The following MYO16 variants were observed in gnomAD, a reference collection of about 807,000 sequenced individuals.
The protein encoded by MYO16 is unconventional myosin-XVI.
Under a neutral mutation model 205.3 loss-of-function variants are expected in MYO16, and 94 were observed. The ratio of observed to expected loss-of-function variants is 0.46; its 90% CI spans 0.39 to 0.54. MYO16 has a LOEUF of 0.54. MYO16 is among the 20% of genes least tolerant of loss of function. The pLI is 0.00. For synonymous variants in MYO16, 988 were observed against 954.0 expected, an observed-to-expected ratio of 1.04 and a Z score of -0.66; for missense variants, 2,315 against 2,387.5, an observed-to-expected ratio of 0.97 and a Z score of 0.63.
At chr13:108,598,324 G>A (rs879437535) in intron 1 of MYO16, among the ~76,000 whole-genome samples, 16 of 152,072 alleles carry the variant, frequency 1.1e-4, no homozygotes, top group Non-Finnish European at 1.8e-4. Context: ...GAGAGAGACA[G>A]ACAGACAGAC....
At chr13:108,777,622 A>G (rs768827361) in intron 4 of MYO16, among the ~76,000 whole-genome samples, 1 of 152,166 alleles carries the variant, frequency 6.6e-6, no homozygotes, top group Non-Finnish European at 1.5e-5. Context: ...AGTGGGCAAG[A>G]ACAAGAAGGA....
At chr13:108,754,377 A>T (rs1885353036) in intron 4 of MYO16, among the ~76,000 whole-genome samples, 2 of 152,222 alleles carry the variant, frequency 1.3e-5, no homozygotes, top group African/African-American at 2.4e-5. Context: ...ATGAGTGTTT[A>T]CAAGCTGAGC....
chr13:108,715,872 G>T (rs1432137226), intron 3 of MYO16, among the ~76,000 whole-genome samples: 1 of 152,152 alleles, frequency 6.6e-6, no homozygotes, highest in African/African-American at 2.4e-5. Context: ...TTGCTTCTCT[G>T]TAGATATTGC....
intron 20 of MYO16, among the ~76,000 whole-genome samples, chr13:108,968,631 GA>G (rs911221648): frequency 5.3e-5 from 8 of 149,800 alleles, no homozygotes; most frequent in Non-Finnish European, 7.4e-5. Context: ...CATCTCAAAA[GA>G]AAAAAAAAGA....
chr13:108,635,117 G>T (rs370499953), intron 1 of MYO16, among the ~76,000 whole-genome samples: 6 of 152,188 alleles, frequency 3.9e-5, no homozygotes, highest in African/African-American at 4.8e-5. Context: ...ATTCACAAGA[G>T]CAGTAACATT....
At chr13:108,811,545 TA>T (rs5806755) in intron 7 of MYO16, among the ~76,000 whole-genome samples, 8 of 145,350 alleles carry the variant, frequency 5.5e-5, no homozygotes, top group African/African-American at 1.5e-4. Flanking sequence ...ACCACCTGTT[TA>T]AAAAAAAAAA....
rs746750646 is a variant in MYO16 at position 109,141,157 on chromosome 13, G to C, written c.4945G>C (p.Gly1649Arg). The change falls in exon 32 of 35, where the codon GGG becomes CGG. Residue 1649 changes from glycine to arginine, a missense_variant. By Grantham distance (125) the Gly-to-Arg change is moderately radical (BLOSUM62 -2). Coordinates refer to ENST00000457511, the MANE Select transcript of MYO16 (RefSeq NM_001198950.3). This position sits in a 1 kb window ranked among gnomAD's most constrained non-coding sequence, Gnocchi z 4.1. The stretch of plus-strand genomic sequence containing the variant: ...AAAGCCAAACTCTGCCCCCGTGGCC[G>C]GGCCCTGCAGCTCCTTCCCCAAGAT... Reference protein sequence around the residue: ...HPKPNSAPVAGPCSSFPKIPY... With the variant: ...HPKPNSAPVARPCSSFPKIPY... The C allele has an allele frequency of 7.5e-6, 12 of 1,604,302 alleles. No individual in the cohort carries two copies. The South Asian group carries it at 1.1e-4, about 15-fold the overall frequency.
the MYO16 span, among the ~76,000 whole-genome samples, chr13:108,520,948 C>T: frequency 9.2e-5 from 14 of 152,164 alleles, no homozygotes; most frequent in African/African-American, 3.4e-4. Context: ...CCATCTTCCA[C>T]GTGTTCTTTC....
At chr13:108,868,167 A>G (rs1878819704) in intron 12 of MYO16, among the ~76,000 whole-genome samples, 1 of 152,178 alleles carries the variant, frequency 6.6e-6, no homozygotes, top group African/African-American at 2.4e-5. Flanking sequence ...TGTTGGAAAG[A>G]GTGGAATTGG....
In MYO16 at chr13:108,776,789, C is replaced by T. The variant is rs541676198; in HGVS notation, c.508-8846C>T. On this transcript the variant is annotated intron_variant, in intron 4 of 34. Transcript: ENST00000457511. ...CTTTACCAGCATTAACCCGTTTTAT[C>T]TTCACAACAACTCTGGGAGAATTAA... Among the ~76,000 whole-genome samples, 12 of 152,242 alleles carry T rather than the reference C, an allele frequency of 7.9e-5. 1 individual carries two copies. The highest frequency in any genetic ancestry group is 1.9e-4 in the African/African-American group (8 of 41,556).
intron 4 of MYO16, among the ~76,000 whole-genome samples, chr13:108,729,705 A>G (rs1288311165): frequency 6.6e-6 from 1 of 152,190 alleles, no homozygotes; most frequent in African/African-American, 2.4e-5. Flanking sequence ...CCTCAATGCA[A>G]ATGTCTGGAC....
At chr13:108,849,128 C>G (rs773877535) in intron 10 of MYO16, among the ~76,000 whole-genome samples, 3 of 152,190 alleles carry the variant, frequency 2.0e-5, no homozygotes, top group Non-Finnish European at 4.4e-5. Flanking sequence ...GTCACATGAT[C>G]ACCCTTTCCT....
intron 28 of MYO16, among the ~76,000 whole-genome samples, chr13:109,108,865 G>C (rs962403254): frequency 6.6e-6 from 1 of 152,162 alleles, no homozygotes; most frequent in South Asian, 2.1e-4. Context: ...CTGAGCCCCC[G>C]AGGTGAGGAC....
intron 23 of MYO16, among the ~76,000 whole-genome samples, chr13:109,040,381 C>CAGAGAGAGAGAGAGAGAG (rs1886843669): frequency 2.8e-5 from 2 of 72,474 alleles, no homozygotes; most frequent in African/African-American, 1.0e-4. Flanking sequence ...CACACACACA[C>CAGAGAGAGAGAGAGAGAG]ACACAGAGAG....
intron 1 of MYO16, among the ~76,000 whole-genome samples, chr13:108,636,300 C>T (rs1344144223): frequency 6.9e-6 from 1 of 145,920 alleles, no homozygotes; most frequent in Non-Finnish European, 1.5e-5. Flanking sequence ...CTTTTCTCTT[C>T]AATATTAAAA....
At chr13:109,104,912 TG>T (rs1889074854) in intron 28 of MYO16, among the ~76,000 whole-genome samples, 1 of 152,160 alleles carries the variant, frequency 6.6e-6, no homozygotes, top group Admixed American at 6.5e-5. Flanking sequence ...TTCTCTGCTT[TG>T]TTCTCCTCCA....
chr13:108,809,825 G>A (rs1887230932), intron 7 of MYO16, among the ~76,000 whole-genome samples: 1 of 152,168 alleles, frequency 6.6e-6, no homozygotes. Flanking sequence ...GCCAGCGCTG[G>A]GTACCAGCCC....
intron 14 of MYO16, among the ~76,000 whole-genome samples, chr13:108,890,102 G>GAATTT (rs1555309571): frequency 3.3e-4 from 22 of 65,724 alleles, no homozygotes; most frequent in African/African-American, 1.2e-3. Context: ...GCTAATTTTT[G>GAATTT]TATTTTTTTT....
At chr13:109,132,282 T>C (rs1443139635) in intron 31 of MYO16, among the ~76,000 whole-genome samples, 1 of 152,170 alleles carries the variant, frequency 6.6e-6, no homozygotes, top group African/African-American at 2.4e-5. Context: ...TCACCCTCCC[T>C]TCAGACTCCA....
Sources: allele counts gnomAD v4.1 joint callset (sites outside exome capture counted in the v4.1 genomes callset), GRCh38; gene constraint gnomAD v4.1.1; non-coding constraint Gnocchi (gnomAD v3.1); transcripts MANE v1.5; gene names NCBI Gene and HGNC (gene_info 2026-07-23, HGNC 2026-07-21).